The following PLEKHA1 variants were observed in gnomAD, a reference collection of about 807,000 sequenced individuals.
The protein encoded by PLEKHA1 is pleckstrin homology domain containing A1.
In PLEKHA1, 34 loss-of-function variants were observed where a neutral mutation model predicts 52.0. The observed-to-expected ratio is 0.65, with a 90% confidence interval of 0.50 to 0.87. PLEKHA1 has a LOEUF of 0.87. Ranked by LOEUF, PLEKHA1 falls within the 40% of genes least tolerant of loss-of-function variation. The pLI is 0.00. For missense variants in PLEKHA1, 497 were observed against 504.2 expected (o/e 0.99, Z 0.14); for synonymous variants, 163 against 170.7 (o/e 0.95, Z 0.35).
chr10:122,411,751 G>C (rs1366212615), intron 5 of PLEKHA1: 1 of 152,136 alleles, frequency 6.6e-6, no homozygotes, highest in Non-Finnish European at 1.5e-5. Context: ...AACGGTTTGA[G>C]CCTTTGAATA....
chr10:122,433,147 C>T (rs2097426101), downstream of PLEKHA1: 1 of 152,248 alleles, frequency 6.6e-6, no homozygotes, highest in Admixed American at 6.5e-5. Context: ...ACCAGTATGT[C>T]TGCTCACCTA....
chr10:122,389,642 G>A (rs1191664901), intron 1 of PLEKHA1, among the ~76,000 whole-genome samples: 1 of 152,144 alleles, frequency 6.6e-6, no homozygotes, highest in Non-Finnish European at 1.5e-5. Context: ...CCTGGGAGGT[G>A]GAGGTTGCAG....
At chr10:122,416,891 C>G (rs780423106) in intron 7 of PLEKHA1, 2 of 154,068 alleles carry the variant, frequency 1.3e-5, no homozygotes, top group Non-Finnish European at 2.9e-5. Context: ...GTCCTTTCAC[C>G]TGTTTGACCT....
chr10:122,435,757 T>C (rs554052031), downstream of PLEKHA1: 2 of 152,048 alleles, frequency 1.3e-5, no homozygotes, highest in Non-Finnish European at 2.9e-5. Flanking sequence ...TACCTGTCAA[T>C]TTCTGTTTCT....
intron 8 of PLEKHA1, chr10:122,419,296 G>C (rs547130175): frequency 4.6e-5 from 7 of 152,256 alleles, no homozygotes; most frequent in Non-Finnish European, 1.0e-4. Context: ...TATGATCACA[G>C]GGCCTGGCAC....
chr10:122,388,852 C>T (rs1190239715), intron 1 of PLEKHA1, among the ~76,000 whole-genome samples: 1 of 150,548 alleles, frequency 6.6e-6, no homozygotes, highest in Non-Finnish European at 1.5e-5. Flanking sequence ...TTTGTTTGCT[C>T]ATCCATAGAA....
At chr10:122,418,902 A>C (rs2097218287) in intron 8 of PLEKHA1, 1 of 152,204 alleles carries the variant, frequency 6.6e-6, no homozygotes, top group Admixed American at 6.5e-5. Flanking sequence ...TTTCTGCACA[A>C]ATGGAAATGT....
intron 2 of PLEKHA1, among the ~76,000 whole-genome samples, chr10:122,395,948 CT>C (rs573818620): frequency 1.3e-5 from 2 of 151,972 alleles, no homozygotes; most frequent in African/African-American, 2.4e-5. Context: ...GCCTATTTCC[CT>C]TTTTTTCTTA....
intron 1 of PLEKHA1, among the ~76,000 whole-genome samples, chr10:122,382,473 C>A (rs1369497526): frequency 6.6e-6 from 1 of 152,160 alleles, no homozygotes; most frequent in Non-Finnish European, 1.5e-5. Flanking sequence ...TAAGATCTCT[C>A]CAATGTAAAG....
Position 122,413,027 on chromosome 10 carries a change from C to G in PLEKHA1, c.450C>G (p.Pro150=). ...SYRTDIVGGV[P]IITPTQKEEV... ...GAACTGATATTGTTGGTGGCGTACC[C>G]ATCATTACTCCCACTCAGGTAATTA... The change falls in exon 6 of 12, where the codon CCC becomes CCG. Residue 150 remains proline, a synonymous_variant. Coordinates refer to ENST00000368990, the MANE Select transcript of PLEKHA1 (RefSeq NM_001001974.4). The G allele has an allele frequency of 6.2e-7, 1 of 1,612,462 alleles. No homozygotes were observed. The highest frequency in any genetic ancestry group is 8.5e-7 in the Non-Finnish European group (1 of 1,178,980).
intron 1 of PLEKHA1, among the ~76,000 whole-genome samples, chr10:122,392,024 AG>A (rs2096783179): frequency 6.6e-6 from 1 of 152,182 alleles, no homozygotes; most frequent in Non-Finnish European, 1.5e-5. Flanking sequence ...TGATGGTGCC[AG>A]CTATAGAAGT....
rs187692982 is a variant in PLEKHA1, at chr10:122,427,119, C to G, written c.900+88C>G. On this transcript the variant is annotated intron_variant, in intron 11 of 11. Coordinates refer to ENST00000368990, the MANE Select transcript of PLEKHA1 (RefSeq NM_001001974.4). Reference sequence around the variant, plus strand: ...CTCTCCCAATCCATCCGGTTTCTTTCTTTCTTGAGATTTATTTGCATGTTG... The same window carrying G: ...CTCTCCCAATCCATCCGGTTTCTTTGTTTCTTGAGATTTATTTGCATGTTG... 80 of 1,252,580 alleles carry G rather than the reference C, an allele frequency of 6.4e-5. No individual in the cohort carries two copies. The East Asian group carries it at 1.8e-3, about 28-fold the overall frequency. 77.6% of individuals were successfully genotyped at this position (1,252,580 alleles called of 1,614,324 possible). A position where few individuals can be genotyped will look rare whatever the true frequency, so the allele number is the denominator to read the frequency against.
At chr10:122,416,103 A>G (rs2097170604) in intron 7 of PLEKHA1, 101 bp downstream of exon 7, 1 of 1,282,580 alleles carries the variant, frequency 7.8e-7, no homozygotes, top group Non-Finnish European at 1.0e-6. Context: ...TGAAAGACCC[A>G]AAGTGAGAGA....
chr10:122,383,838 CAT>C (rs2096650575), intron 1 of PLEKHA1, among the ~76,000 whole-genome samples: 1 of 152,278 alleles, frequency 6.6e-6, no homozygotes, highest in South Asian at 2.1e-4. Flanking sequence ...ATAAAATCCA[CAT>C]GTCGTGATTG....
At chr10:122,382,109 C>T (rs544836739) in intron 1 of PLEKHA1, among the ~76,000 whole-genome samples, 3 of 152,124 alleles carry the variant, frequency 2.0e-5, no homozygotes, top group East Asian at 1.9e-4. Flanking sequence ...CAATTGTAAT[C>T]GTTTCTTTTT....
At chr10:122,434,113 T>C (rs1246100253), downstream of PLEKHA1, 2 of 152,190 alleles carry the variant, frequency 1.3e-5, no homozygotes, top group East Asian at 3.9e-4. Flanking sequence ...CGGTGTTCCT[T>C]TCTTTCCCAT....
At chr10:122,375,073 C>T (rs867726179) in intron 1 of PLEKHA1, 45 of 151,952 alleles carry the variant, frequency 3.0e-4, no homozygotes, top group African/African-American at 6.3e-4. Context: ...GAGGGGGCGG[C>T]GTCTTCTTCC....
chr10:122,378,460 G>A (rs994566352), intron 1 of PLEKHA1, among the ~76,000 whole-genome samples: 3 of 151,246 alleles, frequency 2.0e-5, no homozygotes, highest in Admixed American at 6.6e-5. Context: ...TCTAGGCTGG[G>A]CTCAGTGGCT....
At chr10:122,407,633 C>G (rs2097040393) in intron 5 of PLEKHA1, among the ~76,000 whole-genome samples, 2 of 152,184 alleles carry the variant, frequency 1.3e-5, no homozygotes, top group African/African-American at 2.4e-5. Flanking sequence ...TAGATAGGCT[C>G]TATTTTGATT....
Sources: allele counts gnomAD v4.1 joint callset (sites outside exome capture counted in the v4.1 genomes callset), GRCh38; gene constraint gnomAD v4.1.1; transcripts MANE v1.5; gene names NCBI Gene and HGNC (gene_info 2026-07-23, HGNC 2026-07-21).